The following SLC25A29 variants were observed in gnomAD, a reference collection of about 807,000 sequenced individuals.
SLC25A29 encodes the protein solute carrier family 25 member 29, also known as mitochondrial basic amino acids transporter.
A neutral mutation model predicts 10.0 loss-of-function variants in SLC25A29; 13 were observed. The observed-to-expected ratio is 1.30, with a 90% confidence interval of 0.85 to 2.07. The LOEUF is 2.07. SLC25A29 is among the 30% of genes most tolerant of loss of function. The pLI, the probability that SLC25A29 is intolerant of heterozygous loss-of-function variation, is 0.00. For missense variants in SLC25A29, 475 were observed against 447.6 expected (o/e 1.06, Z -0.55); for synonymous variants, 244 against 221.1 (o/e 1.10, Z -0.92).
chr14:100,290,454 T>A (rs369944865), downstream of SLC25A29, among the ~76,000 whole-genome samples: 26 of 152,316 alleles, frequency 1.7e-4, no homozygotes, highest in East Asian at 1.7e-3. Context: ...CTTCCCAGGC[T>A]AGCACTAGGG....
chr14:100,283,459 G>A, the SLC25A29 span, among the ~76,000 whole-genome samples: 3 of 151,840 alleles, frequency 2.0e-5, no homozygotes, highest in Non-Finnish European at 4.4e-5. Flanking sequence ...TTTTACATGG[G>A]AAGGAACTAA....
chr14:100,289,913 C>T (rs1266455778), downstream of SLC25A29, among the ~76,000 whole-genome samples: 1 of 151,008 alleles, frequency 6.6e-6, no homozygotes, highest in Admixed American at 6.6e-5. Context: ...AACAACTCTA[C>T]TCCCTGCCTG....
downstream of SLC25A29, among the ~76,000 whole-genome samples, chr14:100,288,914 G>T (rs1024403730): frequency 1.3e-5 from 2 of 152,184 alleles, no homozygotes; most frequent in Admixed American, 1.3e-4. Flanking sequence ...TTGGAACCTG[G>T]TCTCTGCAGA....
chr14:100,286,614 A>G (rs1238426812), downstream of SLC25A29, among the ~76,000 whole-genome samples: 1 of 152,178 alleles, frequency 6.6e-6, no homozygotes, highest in East Asian at 1.9e-4. Context: ...CCTCTGCCCT[A>G]TCTCTGCTGT....
downstream of SLC25A29, among the ~76,000 whole-genome samples, chr14:100,286,611 C>T (rs1187200976): frequency 1.3e-5 from 2 of 152,216 alleles, no homozygotes; most frequent in African/African-American, 4.8e-5. Flanking sequence ...CAGCCTCTGC[C>T]CTATCTCTGC....
chr14:100,292,068 G>A lies in SLC25A29; in HGVS notation c.*215C>T. ...AATCTCTGAGCTTCGTGACTCTACA[G>A]TGTGGGCATGAGGGTCCTTATTTCA... is the stretch of plus-strand genomic sequence containing the variant. On this transcript the variant is annotated 3_prime_UTR_variant, in exon 4 of 4. Transcript: ENST00000359232. The A allele has an allele frequency of 3.3e-6, 2 of 601,186 alleles. No homozygotes were observed. The highest frequency in any genetic ancestry group is 2.9e-6 in the Non-Finnish European group (1 of 342,028). The allele number at this position is 601,186 out of a possible 1,614,324, so 37.2% of individuals were successfully genotyped here.
rs142955431 is a variant in SLC25A29 at position 100,292,913 on chromosome 14, G to A, written c.282C>T (p.Asn94=). 43 of 1,608,530 alleles carry A rather than the reference G, an allele frequency of 2.7e-5. No homozygotes were observed. In the African/African-American group the frequency reaches 4.7e-4, roughly 17 times the overall value. The part of the protein sequence containing the change: ...LRALGHDSPL[N]QFLAGAAAGA... ...CCGCCGCCGCACCTGCCAGGAACTGGTTGAGGGGCGAGTCGTGGCCCAGGG... is the reference window on the plus strand; with the variant it reads ...CCGCCGCCGCACCTGCCAGGAACTGATTGAGGGGCGAGTCGTGGCCCAGGG... Residue 94 remains asparagine, a synonymous_variant, in exon 4 of 4, where the codon AAC becomes AAT. Coordinates refer to ENST00000359232, the MANE Select transcript of SLC25A29 (RefSeq NM_001039355.3).
intron 1 of SLC25A29, among the ~76,000 whole-genome samples, chr14:100,302,775 GTT>G (rs56953966): frequency 2.6e-3 from 381 of 145,540 alleles, no homozygotes; most frequent in Non-Finnish European, 4.2e-3. Flanking sequence ...TGCTGCCAAT[GTT>G]TTTTTTTTTT....
intron 2 of SLC25A29, among the ~76,000 whole-genome samples, chr14:100,296,698 A>G (rs1165369816): frequency 6.6e-6 from 1 of 152,082 alleles, no homozygotes; most frequent in Non-Finnish European, 1.5e-5. Context: ...TCCCGGATTC[A>G]CGCCATTCTC....
At position 100,306,400 on chromosome 14, in the gene SLC25A29, C is replaced by T; in HGVS notation, c.-168G>A. The T allele has an allele frequency of 1.9e-6, 1 of 530,070 alleles. No individual in the cohort carries two copies. Among genetic ancestry groups the T allele is most frequent in the Non-Finnish European group, 2.8e-6 (1 of 354,546 alleles). 32.8% of individuals were successfully genotyped at this position (530,070 alleles called of 1,614,324 possible). ...CGGTCAGGGATGGTGGGGATGGCGG[C>T]AGCAGCTAGACCCGCGCTGGTCCCT... On this transcript the variant is annotated 5_prime_UTR_variant, in exon 1 of 4. Coordinates refer to ENST00000359232, the MANE Select transcript of SLC25A29 (RefSeq NM_001039355.3).
chr14:100,299,231 T>C, intron 1 of SLC25A29: 2 of 1,142,122 alleles, frequency 1.8e-6, no homozygotes, highest in South Asian at 2.4e-5. Flanking sequence ...GATATCCCAT[T>C]AATCCAAACA....
chr14:100,302,746 G>A (rs1892648296), intron 1 of SLC25A29, among the ~76,000 whole-genome samples: 1 of 151,684 alleles, frequency 6.6e-6, no homozygotes, highest in Non-Finnish European at 1.5e-5. Flanking sequence ...CTGGCTTTCA[G>A]TGCTGCAGAT....
intron 2 of SLC25A29, chr14:100,298,252 C>T (rs905466952): frequency 1.9e-5 from 3 of 159,896 alleles, no homozygotes; most frequent in Admixed American, 1.8e-4. Context: ...ACACACAGCC[C>T]AACCACAAGC....
chr14:100,306,236 CG>C lies in SLC25A29; in HGVS notation c.-5del. ...CAGCCAAGAAGTCCAGCGCCATGGC[CG>C]GGTCCCCGGCGAGGCCGCCTTTCCT... On this transcript the variant is annotated 5_prime_UTR_variant, in exon 1 of 4. Transcript: ENST00000359232. 6.7e-7 allele frequency: 1 copy of C among 1,491,670 alleles called. No individual in the cohort carries two copies. The highest frequency in any genetic ancestry group is 8.9e-7 in the Non-Finnish European group (1 of 1,124,420). The allele number at this position is 1,491,670 out of a possible 1,614,324, so 92.4% of individuals were successfully genotyped here. A position where few individuals can be genotyped will look rare whatever the true frequency, so the allele number is the denominator to read the frequency against.
rs538400153 is a variant in SLC25A29 at position 100,296,744 on chromosome 14, A to G, written c.78+2098T>C. On this transcript the variant is annotated intron_variant, in intron 2 of 3. Coordinates refer to ENST00000359232, the MANE Select transcript of SLC25A29 (RefSeq NM_001039355.3). Reference sequence around the variant, plus strand: ...CTCCCGAGTAGCTGGGACTACAGGCACCCGCCACCACGCCCGGCTAATTTT... The same window carrying G: ...CTCCCGAGTAGCTGGGACTACAGGCGCCCGCCACCACGCCCGGCTAATTTT... Among the ~76,000 whole-genome samples the G allele has an allele frequency of 4.0e-3, 598 of 151,246 alleles. 3 individuals carry two copies. The highest frequency in any genetic ancestry group is 8.8e-3 in the African/African-American group (364 of 41,240).
At position 100,292,276 on chromosome 14, in the gene SLC25A29, G is replaced by C. The variant is rs1407779006; in HGVS notation, c.*7C>G. The C allele has an allele frequency of 1.4e-5, 22 of 1,534,212 alleles. No homozygotes were observed. Among genetic ancestry groups the C allele is most frequent in the South Asian group, 2.4e-5 (2 of 84,206 alleles). On this transcript the variant is annotated 3_prime_UTR_variant, in exon 4 of 4. Coordinates refer to ENST00000359232, the MANE Select transcript of SLC25A29 (RefSeq NM_001039355.3). Reference sequence around the variant, plus strand: ...AGGAGCCCTGGGGAAGGAGGGCGGGGTGAGCGTCACAGGCTGGAGGGCTGC... The same window carrying C: ...AGGAGCCCTGGGGAAGGAGGGCGGGCTGAGCGTCACAGGCTGGAGGGCTGC...
downstream of SLC25A29, among the ~76,000 whole-genome samples, chr14:100,289,249 A>T (rs1891608460): frequency 6.6e-6 from 1 of 152,200 alleles, no homozygotes; most frequent in Admixed American, 6.5e-5. Flanking sequence ...GTGTTTTGTT[A>T]CGGCAGCCCT....
chr14:100,279,053 A>C, the SLC25A29 span: 2 of 152,248 alleles, frequency 1.3e-5, no homozygotes, highest in Admixed American at 6.5e-5. Context: ...ACTGGGTGCA[A>C]ATCGGCAAGG....
At chr14:100,282,974 C>T in the SLC25A29 span, among the ~76,000 whole-genome samples, 1 of 152,186 alleles carries the variant, frequency 6.6e-6, no homozygotes, top group East Asian at 1.9e-4. Context: ...CTCACACCAG[C>T]AAGAAATGCT....
Sources: allele counts gnomAD v4.1 joint callset (sites outside exome capture counted in the v4.1 genomes callset), GRCh38; gene constraint gnomAD v4.1.1; transcripts MANE v1.5; gene names NCBI Gene and HGNC (gene_info 2026-07-23, HGNC 2026-07-21).